The following ABCB4 variants were observed in gnomAD, a reference collection of about 807,000 sequenced individuals.
ABCB4 encodes phosphatidylcholine translocator ABCB4.
Under a neutral mutation model 145.7 loss-of-function variants are expected in ABCB4, and 76 were observed. The observed-to-expected ratio is 0.52, with a 90% CI of 0.43 to 0.63. ABCB4 has a LOEUF of 0.63. Among genes scored for constraint, ABCB4 ranks in the 30% least tolerant of loss-of-function variants. ABCB4 has a pLI of 0.00. For missense variants in ABCB4, 1,234 were observed against 1,553.1 expected (o/e 0.79, Z 3.45); for synonymous variants, 517 against 566.8 (o/e 0.91, Z 1.25).
rs1812886400 is a variant in ABCB4, at chr7:87,466,233, C to G, written c.136-3325G>C. On this transcript the variant is annotated intron_variant, in intron 3 of 27. Transcript: ENST00000649586. ...CCTGATGGAGCTGAAAACCATGGCA[C>G]AAGAACTATGTGACGAAAGCACAAG... Among the ~76,000 whole-genome samples the G allele has an allele frequency of 2.6e-5, 4 of 152,110 alleles. No individual in the cohort carries two copies. In the South Asian group the frequency reaches 6.2e-4, roughly 24 times the overall value.
At chr7:87,381,008 C>T in the ABCB4 span, among the ~76,000 whole-genome samples, 1 of 152,156 alleles carries the variant, frequency 6.6e-6, no homozygotes, top group Non-Finnish European at 1.5e-5. Flanking sequence ...TGGTTGGTAA[C>T]AATAAATCCT....
chr7:87,443,747 C>G lies in ABCB4; in HGVS notation c.1146G>C (p.Glu382Asp). 1 of 1,613,762 alleles carries G rather than the reference C, an allele frequency of 6.2e-7. No homozygotes were observed. The highest frequency in any genetic ancestry group is 8.5e-7 in the Non-Finnish European group (1 of 1,179,762). The change falls in exon 11 of 28, where the codon GAG becomes GAC. Residue 382 changes from glutamate (E) to aspartate (D), a missense_variant. By Grantham distance (45) the Glu-to-Asp change is conservative (BLOSUM62 2). Coordinates refer to ENST00000649586, the MANE Select transcript of ABCB4 (RefSeq NM_000443.4). ...DNNPKIDSFS[E>D]RGHKPDSIKG... ...TGATGCTGTCTGGTTTGTGTCCTCTCTCTGAAAAACTGTCAATTTTAGGAT... is the reference window on the plus strand; with the variant it reads ...TGATGCTGTCTGGTTTGTGTCCTCTGTCTGAAAAACTGTCAATTTTAGGAT...
At chr7:87,416,092 T>C (rs1412353276) in intron 21 of ABCB4, among the ~76,000 whole-genome samples, 2 of 152,176 alleles carry the variant, frequency 1.3e-5, no homozygotes, top group Non-Finnish European at 2.9e-5. Flanking sequence ...CCACATATTG[T>C]CCTAGCAAGC....
chr7:87,427,054 A>G lies in ABCB4; in HGVS notation c.1894-134T>C. On this transcript the variant is annotated intron_variant, in intron 15 of 27. Coordinates refer to ENST00000649586, the MANE Select transcript of ABCB4 (RefSeq NM_000443.4). Reference sequence around the variant, plus strand: ...ATATTACATGTATCAAGATTTTCAGATTTCCTAACTGCTTCTCAATCAAGG... The same window carrying G: ...ATATTACATGTATCAAGATTTTCAGGTTTCCTAACTGCTTCTCAATCAAGG... The G allele has an allele frequency of 3.9e-6, 3 of 768,922 alleles. No individual in the cohort carries two copies. The South Asian group carries it at 4.9e-5, about 13-fold the overall frequency. The allele number at this position is 768,922 out of a possible 1,614,324, so 47.6% of individuals were successfully genotyped here. A position where few individuals can be genotyped will look rare whatever the true frequency, so the allele number is the denominator to read the frequency against.
At chr7:87,370,191 AT>A in the ABCB4 span, among the ~76,000 whole-genome samples, 24 of 150,624 alleles carry the variant, frequency 1.6e-4, no homozygotes, top group African/African-American at 3.4e-4. Context: ...CTAAAAAATA[AT>A]TTTTTTTTTG....
intron 17 of ABCB4, among the ~76,000 whole-genome samples, chr7:87,422,886 T>G (rs915322314): frequency 2.6e-5 from 4 of 152,342 alleles, no homozygotes; most frequent in African/African-American, 7.2e-5. Flanking sequence ...AACCGCTGTT[T>G]GAGGGCACAA....
At chr7:87,366,633 T>G in the ABCB4 span, among the ~76,000 whole-genome samples, 2 of 152,244 alleles carry the variant, frequency 1.3e-5, no homozygotes, top group South Asian at 4.1e-4. Flanking sequence ...ATGATGCTAC[T>G]GCTCTCTTCA....
At chr7:87,398,328 C>T, downstream of ABCB4, 1 of 707,070 alleles carries the variant, frequency 1.4e-6, no homozygotes. Context: ...TGCTAGTCAT[C>T]TAATGAATGA....
chr7:87,398,703 GAGTT>G (rs1807637777), downstream of ABCB4: 5 of 1,535,182 alleles, frequency 3.3e-6, no homozygotes, highest in South Asian at 5.9e-5. Context: ...TGCTGGGAGT[GAGTT>G]GGTAATATGA....
intron 14 of ABCB4, among the ~76,000 whole-genome samples, chr7:87,435,364 G>A (rs976125513): frequency 1.3e-5 from 2 of 152,230 alleles, no homozygotes; most frequent in African/African-American, 4.8e-5. Flanking sequence ...CTATACAGAA[G>A]TGGAGCCAAT....
chr7:87,370,487 A>T, the ABCB4 span, among the ~76,000 whole-genome samples: 6 of 152,128 alleles, frequency 3.9e-5, no homozygotes, highest in Non-Finnish European at 8.8e-5. Context: ...CCAGCCAAAT[A>T]AACAGTGTTT....
At chr7:87,456,945 A>G (rs900248955) in intron 4 of ABCB4, among the ~76,000 whole-genome samples, 4 of 152,018 alleles carry the variant, frequency 2.6e-5, no homozygotes, top group Non-Finnish European at 5.9e-5. Context: ...GTCTTGTCAG[A>G]TGCTACCTAT....
intron 12 of ABCB4, among the ~76,000 whole-genome samples, chr7:87,440,715 G>A (rs1470657827): frequency 2.6e-5 from 4 of 151,884 alleles, no homozygotes; most frequent in South Asian, 4.2e-4. Flanking sequence ...TACCTTCCTG[G>A]TCTACATATA....
chr7:87,375,390 A>G, the ABCB4 span: 2 of 433,384 alleles, frequency 4.6e-6, no homozygotes, highest in Non-Finnish European at 8.3e-6. Context: ...GCGAAACTAA[A>G]TTTAGCCAAT....
chr7:87,449,886 G>C, intron 8 of ABCB4, 82 bp downstream of exon 8: 1 of 1,607,988 alleles, frequency 6.2e-7, no homozygotes, highest in African/African-American at 1.3e-5. Flanking sequence ...GAAAGGGAAG[G>C]TAAAAAACAC....
chr7:87,443,631 T>C lies in ABCB4; in HGVS notation c.1230+32A>G, dbSNP rs748200970. 4 of 1,586,640 alleles carry C rather than the reference T, an allele frequency of 2.5e-6. No homozygotes were observed. The African/African-American group carries it at 5.4e-5, about 21-fold the overall frequency. On this transcript the variant is annotated intron_variant, in intron 11 of 27. Coordinates refer to ENST00000649586, the MANE Select transcript of ABCB4 (RefSeq NM_000443.4). ...AAAATGATTCAACAATCAACCTCAG[T>C]TAGGAATTCCTATAAATATTACTTA...
chr7:87,413,251 C>T (rs1250268610), intron 22 of ABCB4, among the ~76,000 whole-genome samples: 1 of 152,168 alleles, frequency 6.6e-6, no homozygotes, highest in Admixed American at 6.5e-5. Context: ...TAGCAAGTCT[C>T]ACTTTTGGTT....
chr7:87,446,221 A>G (rs1811336016), intron 9 of ABCB4, among the ~76,000 whole-genome samples: 1 of 152,190 alleles, frequency 6.6e-6, no homozygotes, highest in African/African-American at 2.4e-5. Flanking sequence ...TCATCATCAA[A>G]GGGCCAAATT....
chr7:87,405,512 C>T (rs1179832605), intron 26 of ABCB4, among the ~76,000 whole-genome samples: 6 of 151,122 alleles, frequency 4.0e-5, no homozygotes, highest in African/African-American at 1.5e-4. Flanking sequence ...CTTTAACCTC[C>T]GTTTCTCAGG....
Sources: allele counts gnomAD v4.1 joint callset (sites outside exome capture counted in the v4.1 genomes callset), GRCh38; gene constraint gnomAD v4.1.1; transcripts MANE v1.5; gene names NCBI Gene and HGNC (gene_info 2026-07-23, HGNC 2026-07-21).